The following PLCXD2 variants were observed in gnomAD, a reference collection of about 807,000 sequenced individuals.
PLCXD2 encodes the protein phosphatidylinositol specific phospholipase C X domain containing 2, also known as PI-PLC X domain-containing protein 2.
In PLCXD2, 21 loss-of-function variants were observed where a neutral mutation model predicts 28.6. The observed-to-expected ratio is 0.73, with a 90% confidence interval of 0.52 to 1.06. PLCXD2 has a LOEUF of 1.06. Ranked by LOEUF, PLCXD2 falls within the 50% of genes least tolerant of loss-of-function variation. The pLI is 0.00. For synonymous variants in PLCXD2, 140 were observed against 150.1 expected (o/e 0.93, Z 0.49); for missense variants, 369 against 376.7 (o/e 0.98, Z 0.17).
At chr3:111,708,445 C>G in intron 2 of PLCXD2, 59 bp downstream of exon 2, 1 of 1,472,288 alleles carries the variant, frequency 6.8e-7, no homozygotes, top group Non-Finnish European at 9.3e-7. Context: ...CCTGCTTTTC[C>G]TGTATTGCCG....
chr3:111,677,864 ATAT>A (rs1351580152), intron 1 of PLCXD2, among the ~76,000 whole-genome samples: 1 of 152,248 alleles, frequency 6.6e-6, no homozygotes, highest in East Asian at 1.9e-4. Flanking sequence ...AGATACATAC[ATAT>A]TATATGCACA....
chr3:111,675,310 G>A lies in PLCXD2; in HGVS notation c.65G>A (p.Ser22Asn), dbSNP rs950619237. The A allele has an allele frequency of 2.2e-5, 36 of 1,614,036 alleles. No individual in the cohort carries two copies. The highest frequency in any genetic ancestry group is 2.9e-5 in the Non-Finnish European group (34 of 1,180,026). Reference sequence around the variant, plus strand: ...GGGACCATCTGCTCCCCCAACCCCAGCGGGACAAAGACATCATCGGAGGTC... The same window carrying A: ...GGGACCATCTGCTCCCCCAACCCCAACGGGACAAAGACATCATCGGAGGTC... Residue 22 changes from serine to asparagine, a missense_variant, in exon 1 of 5, where the codon AGC becomes AAC. Transcript: ENST00000477665.
chr3:111,676,604 T>G (rs1243810512), intron 1 of PLCXD2: 1 of 152,122 alleles, frequency 6.6e-6, no homozygotes, highest in Admixed American at 6.5e-5. Context: ...GTTATGATCA[T>G]GTATGTTTTA....
chr3:111,699,706 T>C (rs1170084880), intron 1 of PLCXD2, among the ~76,000 whole-genome samples: 5 of 152,178 alleles, frequency 3.3e-5, no homozygotes, highest in African/African-American at 1.2e-4. Context: ...AGGGACTTGA[T>C]TCTGAGCTCT....
rs116040520 is a variant in PLCXD2 at position 111,713,652 on chromosome 3, A to G, written c.625-235A>G. Among the ~76,000 whole-genome samples, 1,343 of 152,314 alleles carry G rather than the reference A, an allele frequency of 8.8e-3. 24 individuals carry two copies. The highest frequency in any genetic ancestry group is 0.03 in the African/African-American group (1,256 of 41,556). ...TGAGAAGGGGGTCCATGATTTTAAT[A>G]TACTTCCAAAGGTATTTATGCCAAC... is the stretch of plus-strand genomic sequence containing the variant. On this transcript the variant is annotated intron_variant, in intron 2 of 4. Coordinates refer to ENST00000477665, the MANE Select transcript of PLCXD2 (RefSeq NM_001185106.1).
intron 3 of PLCXD2, chr3:111,726,857 G>A (rs1298153577): frequency 6.6e-6 from 1 of 152,054 alleles, no homozygotes; most frequent in Non-Finnish European, 1.5e-5. Context: ...ACCTAAATAG[G>A]CTTAACTGTA....
chr3:111,679,241 A>G (rs1412802684), intron 1 of PLCXD2, among the ~76,000 whole-genome samples: 1 of 152,156 alleles, frequency 6.6e-6, no homozygotes, highest in East Asian at 1.9e-4. Flanking sequence ...TCAAGACTTC[A>G]AGGGATATGG....
chr3:111,697,928 A>T (rs759898883), intron 1 of PLCXD2, among the ~76,000 whole-genome samples: 1 of 152,192 alleles, frequency 6.6e-6, no homozygotes. Context: ...TTGAATTTCA[A>T]CTGTAGAATA....
At position 111,675,359 on chromosome 3, in the gene PLCXD2, G is replaced by C. The variant is rs768875415; in HGVS notation, c.114G>C (p.Ser38=). ...TCTGCAATGCCGACTGGATGGCCTC[G>C]CTCCCCCCTCACCTCCACAACCTCC... The change falls in exon 1 of 5, where the codon TCG becomes TCC. Residue 38 remains serine (S), a synonymous_variant. Coordinates refer to ENST00000477665, the MANE Select transcript of PLCXD2 (RefSeq NM_001185106.1). 8 of 1,614,106 alleles carry C rather than the reference G, an allele frequency of 5.0e-6. No individual in the cohort carries two copies. Among genetic ancestry groups the C allele is most frequent in the Non-Finnish European group, 6.8e-6 (8 of 1,180,026 alleles).
chr3:111,699,251 G>A (rs554167308), intron 1 of PLCXD2, among the ~76,000 whole-genome samples: 1 of 152,268 alleles, frequency 6.6e-6, no homozygotes, highest in East Asian at 1.9e-4. Flanking sequence ...TACAAGTGTG[G>A]TCATCATGTA....
intron 3 of PLCXD2, among the ~76,000 whole-genome samples, chr3:111,717,014 G>T (rs1480796434): frequency 1.3e-5 from 2 of 152,144 alleles, no homozygotes; most frequent in African/African-American, 2.4e-5. Context: ...ATGACACTTT[G>T]ATCTTGGATG....
intron 3 of PLCXD2, chr3:111,722,236 C>T (rs1941357520): frequency 6.6e-6 from 1 of 151,366 alleles, no homozygotes. Context: ...ATCTGCCGTG[C>T]TTCTTACATC....
chr3:111,703,732 A>G (rs1343405469), intron 1 of PLCXD2, among the ~76,000 whole-genome samples: 1 of 152,322 alleles, frequency 6.6e-6, no homozygotes, highest in East Asian at 1.9e-4. Flanking sequence ...TCCTGTTGCT[A>G]TACAGCCAAA....
At chr3:111,692,680 A>C (rs1280706251) in intron 1 of PLCXD2, among the ~76,000 whole-genome samples, 1 of 152,226 alleles carries the variant, frequency 6.6e-6, no homozygotes, top group African/African-American at 2.4e-5. Context: ...TCAATTAACA[A>C]CAGAGGTGAA....
chr3:111,719,318 A>G (rs1941314849), intron 3 of PLCXD2, among the ~76,000 whole-genome samples: 1 of 152,240 alleles, frequency 6.6e-6, no homozygotes, highest in South Asian at 2.1e-4. Context: ...GCTATAGGCT[A>G]GGAGAAAATA....
Position 111,675,200 on chromosome 3 carries a change from A to C in PLCXD2, c.-46A>C. 2.5e-6 allele frequency: 4 copies of C among 1,587,622 alleles called. No homozygotes were observed. Among genetic ancestry groups the C allele is most frequent in the Non-Finnish European group, 2.6e-6 (3 of 1,162,110 alleles). On this transcript the variant is annotated 5_prime_UTR_variant, in exon 1 of 5. Transcript: ENST00000477665. ...AGAGCCCAAGAAGTGATGATCACTG[A>C]GTGAGTGGCACTGGGCTGAGACTGG...
At chr3:111,679,481 G>T (rs559528561) in intron 1 of PLCXD2, among the ~76,000 whole-genome samples, 1 of 152,274 alleles carries the variant, frequency 6.6e-6, no homozygotes, top group East Asian at 1.9e-4. Flanking sequence ...TTATAATCCT[G>T]AATCGCAGTA....
intron 1 of PLCXD2, among the ~76,000 whole-genome samples, chr3:111,700,066 C>T (rs1195839880): frequency 2.0e-5 from 3 of 152,188 alleles, no homozygotes; most frequent in Non-Finnish European, 2.9e-5. Context: ...ACATTAGAAT[C>T]AGCAAGAAGC....
intron 1 of PLCXD2, 148 bp from the exon 2 acceptor site, chr3:111,707,778 A>G: frequency 1.5e-6 from 1 of 682,348 alleles, no homozygotes; most frequent in South Asian, 2.1e-5. Flanking sequence ...TATTCCTAGC[A>G]AGCTTGGCAA....
Sources: allele counts gnomAD v4.1 joint callset (sites outside exome capture counted in the v4.1 genomes callset), GRCh38; gene constraint gnomAD v4.1.1; transcripts MANE v1.5; gene names NCBI Gene and HGNC (gene_info 2026-07-23, HGNC 2026-07-21).